SPHKAP: variants seen among roughly 807,000 people sequenced by gnomAD.
SPHKAP encodes the protein A-kinase anchor protein SPHKAP.
Under a neutral mutation model 137.5 loss-of-function variants are expected in SPHKAP, and 67 were observed. The observed-to-expected ratio is 0.49, with a 90% CI of 0.40 to 0.60. SPHKAP has a LOEUF of 0.60. SPHKAP is among the 20% of genes least tolerant of loss of function. SPHKAP has a pLI of 0.00. For synonymous variants in SPHKAP, 813 were observed against 785.3 expected, an observed-to-expected ratio of 1.04 and a Z score of -0.59; for missense variants, 2,097 against 2,069.3, an observed-to-expected ratio of 1.01 and a Z score of -0.26.
intron 3 of SPHKAP, among the ~76,000 whole-genome samples, chr2:228,102,139 GGCTT>G (rs1698197959): frequency 6.6e-6 from 1 of 151,930 alleles, no homozygotes; most frequent in Admixed American, 6.6e-5. Flanking sequence ...CTTTTCATAT[GGCTT>G]TTGCAAACTT....
At chr2:228,177,457 T>C (rs2106436467) in intron 1 of SPHKAP, among the ~76,000 whole-genome samples, 1 of 152,312 alleles carries the variant, frequency 6.6e-6, no homozygotes, top group Admixed American at 6.5e-5. Flanking sequence ...AGTGTACTCT[T>C]AAGGCAGTAT....
Position 228,147,095 on chromosome 2 carries a change from G to T in SPHKAP, c.33-15010C>A, listed in dbSNP as rs536203014. On this transcript the variant is annotated intron_variant, in intron 1 of 11. Transcript: ENST00000392056. ...TGTTATTTAGTTCTTGAGATGAAAAGAATATCTGATTCACTATTGAACTCC... is the reference window on the plus strand; with the variant it reads ...TGTTATTTAGTTCTTGAGATGAAAATAATATCTGATTCACTATTGAACTCC... 5.9e-5 allele frequency among the ~76,000 whole-genome samples: 9 copies of T among 152,272 alleles called. No homozygotes were observed. The South Asian group carries it at 1.9e-3, about 32-fold the overall frequency.
chr2:228,142,882 G>A (rs113761864), intron 1 of SPHKAP, among the ~76,000 whole-genome samples: 140 of 152,194 alleles, frequency 9.2e-4, no homozygotes, highest in Middle Eastern at 3.4e-3. Context: ...TGCTTTGCAT[G>A]TTGCTTCTGG....
In SPHKAP at chr2:228,147,280, T is replaced by C. The variant is rs575000094; in HGVS notation, c.33-15195A>G. On this transcript the variant is annotated intron_variant, in intron 1 of 11. Transcript: ENST00000392056. The stretch of plus-strand genomic sequence containing the variant: ...CCATGCTTTTGTCTGTGAGAGTCTA[T>C]AGTCCTGAGATACCAATGTTAGTGA... Among the ~76,000 whole-genome samples, 3 of 152,346 alleles carry C rather than the reference T, an allele frequency of 2.0e-5. No individual in the cohort carries two copies. The South Asian group carries it at 6.2e-4, about 32-fold the overall frequency.
intron 7 of SPHKAP, among the ~76,000 whole-genome samples, chr2:228,009,346 TTTTC>T (rs771342662): frequency 4.6e-5 from 7 of 152,202 alleles, no homozygotes; most frequent in Non-Finnish European, 5.9e-5. Flanking sequence ...CTTGATGTGA[TTTTC>T]TTTCTGTTGA....
At chr2:228,025,766 C>A (rs1399575420) in intron 4 of SPHKAP, 1 of 772,088 alleles carries the variant, frequency 1.3e-6, no homozygotes, top group Non-Finnish European at 1.6e-6. Context: ...AAACATTTTA[C>A]AAAGTAAACA....
chr2:228,047,098 A>G (rs936823091), intron 3 of SPHKAP, among the ~76,000 whole-genome samples: 11 of 152,260 alleles, frequency 7.2e-5, no homozygotes, highest in South Asian at 4.1e-4. Flanking sequence ...GAGTATATGT[A>G]GGAAAATGTG....
chr2:227,993,521 A>T lies in SPHKAP; in HGVS notation c.4721+13T>A, dbSNP rs955914140. 1.3e-6 allele frequency: 2 copies of T among 1,591,680 alleles called. No individual in the cohort carries two copies. Among genetic ancestry groups the T allele is most frequent in the Middle Eastern group, 3.3e-4 (2 of 6,038 alleles). On this transcript the variant is annotated intron_variant, in intron 9 of 11. Coordinates refer to ENST00000392056, the MANE Select transcript of SPHKAP (RefSeq NM_001142644.2). ...AGTGGTCTCACAATCACTGCATCTCAGTGGCTACTTACTTAATCATGGGAG... is the reference window on the plus strand; with the variant it reads ...AGTGGTCTCACAATCACTGCATCTCTGTGGCTACTTACTTAATCATGGGAG...
intron 2 of SPHKAP, among the ~76,000 whole-genome samples, chr2:228,121,103 G>T (rs1022415127): frequency 3.9e-5 from 6 of 152,150 alleles, no homozygotes; most frequent in Non-Finnish European, 8.8e-5. Flanking sequence ...ATTTTGTGTT[G>T]GTATGCAAAG....
At chr2:228,113,603 A>ATCTCTCTCTC (rs139499722) in intron 2 of SPHKAP, among the ~76,000 whole-genome samples, 2,337 of 97,862 alleles carry the variant, frequency 0.024, 182 homozygotes, top group Non-Finnish European at 0.036. Flanking sequence ...GCATTTAGCC[A>ATCTCTCTCTC]TCTCTCTCTC....
At chr2:228,030,726 ATTT>A (rs397974672) in intron 3 of SPHKAP, among the ~76,000 whole-genome samples, 1 of 146,786 alleles carries the variant, frequency 6.8e-6, no homozygotes. Flanking sequence ...CCTCCATAAT[ATTT>A]TTTTTTTTTT....
At chr2:228,068,631 G>A (rs1218439958) in intron 3 of SPHKAP, among the ~76,000 whole-genome samples, 1 of 152,150 alleles carries the variant, frequency 6.6e-6, no homozygotes, top group Non-Finnish European at 1.5e-5. Context: ...GAGAAAATTG[G>A]ATATCCATAT....
At position 227,980,176 on chromosome 2, in the gene SPHKAP, A is replaced by G. The variant is rs1338130651; in HGVS notation, c.*1541T>C. ...CACATTTCAGCGTGAATTGATGGAT[A>G]TATTTTAAAACTGGGCATTTAGTTA... is the stretch of plus-strand genomic sequence containing the variant. On this transcript the variant is annotated 3_prime_UTR_variant, in exon 12 of 12. Coordinates refer to ENST00000392056, the MANE Select transcript of SPHKAP (RefSeq NM_001142644.2). 1 of 152,620 alleles carries G rather than the reference A, an allele frequency of 6.6e-6. No individual in the cohort carries two copies. The highest frequency in any genetic ancestry group is 1.5e-5 in the Non-Finnish European group (1 of 68,046). The allele number at this position is 152,620 out of a possible 1,614,324, so 9.5% of individuals were successfully genotyped here.
At chr2:228,036,832 A>T (rs891428638) in intron 3 of SPHKAP, among the ~76,000 whole-genome samples, 2 of 151,526 alleles carry the variant, frequency 1.3e-5, no homozygotes, top group Non-Finnish European at 2.9e-5. Context: ...GAATTGAACC[A>T]TGAGAACACA....
Position 228,002,839 on chromosome 2 carries a change from T to G in SPHKAP, c.4449-7145A>C, listed in dbSNP as rs574625679. 3.3e-3 allele frequency among the ~76,000 whole-genome samples: 507 copies of G among 152,312 alleles called. 3 individuals carry two copies. Among genetic ancestry groups the G allele is most frequent in the African/African-American group, 0.012 (486 of 41,576 alleles). The stretch of plus-strand genomic sequence containing the variant: ...TTAAATAGGGAATCCTTTCCCCATT[T>G]CTTGTTTTCATCAGGTTTGTTAAAG... On this transcript the variant is annotated intron_variant, in intron 7 of 11. Transcript: ENST00000392056.
At chr2:228,058,300 T>C (rs1696515719) in intron 3 of SPHKAP, among the ~76,000 whole-genome samples, 1 of 152,220 alleles carries the variant, frequency 6.6e-6, no homozygotes, top group Non-Finnish European at 1.5e-5. Context: ...ATATGTACAA[T>C]GTCTCATTAT....
At chr2:228,039,117 AC>A (rs1368103922) in intron 3 of SPHKAP, among the ~76,000 whole-genome samples, 1 of 152,238 alleles carries the variant, frequency 6.6e-6, no homozygotes, top group Admixed American at 6.5e-5. Context: ...CACATAAAAT[AC>A]ATTTCTTTTG....
At position 228,044,117 on chromosome 2, in the gene SPHKAP, T is replaced by C. The variant is rs973973779; in HGVS notation, c.247-16574A>G. Among the ~76,000 whole-genome samples, 5 of 152,270 alleles carry C rather than the reference T, an allele frequency of 3.3e-5. 1 individual carries two copies. Among genetic ancestry groups the C allele is most frequent in the Middle Eastern group, 6.8e-3 (2 of 294 alleles). ...TTTGACAACCAAACTACTAAATAAC[T>C]CCAAACTTAACCTCTCCAAGAAGCC... is the stretch of plus-strand genomic sequence containing the variant. On this transcript the variant is annotated intron_variant, in intron 3 of 11. Coordinates refer to ENST00000392056, the MANE Select transcript of SPHKAP (RefSeq NM_001142644.2).
chr2:228,054,559 G>A (rs910261304), intron 3 of SPHKAP, among the ~76,000 whole-genome samples: 59 of 152,052 alleles, frequency 3.9e-4, no homozygotes, highest in African/African-American at 1.3e-3. Flanking sequence ...ACTGGGGAAG[G>A]GAAGAGAGGA....
Sources: gnomAD v4.1 joint callset for allele counts (sites outside exome capture counted in the v4.1 genomes callset) on GRCh38, gnomAD v4.1.1 for gene constraint, MANE v1.5 for transcripts, NCBI Gene and HGNC (gene_info 2026-07-23, HGNC 2026-07-21) for gene names.